The following EIF3A variants were observed in gnomAD, a reference collection of about 807,000 sequenced individuals.
EIF3A encodes EIF3, p180 subunit.
EIF3A carries 21 observed loss-of-function variants against 186.6 expected under a neutral mutation model. The ratio of observed to expected loss-of-function variants is 0.11; its 90% CI spans 0.08 to 0.16. EIF3A has a LOEUF of 0.16. Ranked by LOEUF, EIF3A falls within the 10% of genes least tolerant of loss-of-function variation. The probability of loss-of-function intolerance (pLI) is 1.00; values close to 1 mark genes in which losing one functional copy is unlikely to be tolerated. For synonymous variants in EIF3A, 563 were observed against 584.3 expected (o/e 0.96, Z 0.52); for missense variants, 1,306 against 1,796.3 (o/e 0.73, Z 4.93).
In EIF3A at chr10:119,033,889, A is replaced by G. The variant is rs1286112495; in HGVS notation, c.*2150T>C. Reference sequence around the variant, plus strand: ...TCTTTGGTTAAAAAAAAAAAAAAACACAGGCAGTTCTTTACATAAAAACGT... The same window carrying G: ...TCTTTGGTTAAAAAAAAAAAAAAACGCAGGCAGTTCTTTACATAAAAACGT... On this transcript the variant is annotated 3_prime_UTR_variant, in exon 22 of 22. Transcript: ENST00000369144. 6.2e-6 allele frequency: 1 copy of G among 162,564 alleles called. No homozygotes were observed. Among genetic ancestry groups the G allele is most frequent in the African/African-American group, 2.5e-5 (1 of 40,692 alleles). 10.1% of individuals were successfully genotyped at this position (162,564 alleles called of 1,614,324 possible).
Position 119,067,178 on chromosome 10 carries a change from T to C in EIF3A, c.951-1608A>G. 1.3e-5 allele frequency among the ~76,000 whole-genome samples: 2 copies of C among 151,604 alleles called. 1 individual carries two copies. Among genetic ancestry groups the C allele is most frequent in the Admixed American group, 1.3e-4 (2 of 15,224 alleles). Reference sequence around the variant, plus strand: ...TTGCAGCGAGCCAAGACTGCGCCATTGCACTCCAGCTTGGGCAACAAGAGC... The same window carrying C: ...TTGCAGCGAGCCAAGACTGCGCCATCGCACTCCAGCTTGGGCAACAAGAGC... On this transcript the variant is annotated intron_variant, in intron 6 of 21. Coordinates refer to ENST00000369144, the MANE Select transcript of EIF3A (RefSeq NM_003750.4).
intron 14 of EIF3A, among the ~76,000 whole-genome samples, chr10:119,054,727 CAAA>C (rs36005021): frequency 1.5e-3 from 218 of 141,870 alleles, no homozygotes; most frequent in Admixed American, 1.5e-3. Context: ...AACTCCATCT[CAAA>C]AAAAAAAAAA....
In EIF3A at chr10:119,061,337, A is replaced by G; in HGVS notation, c.1123-9T>C. The G allele has an allele frequency of 7.5e-7, 1 of 1,331,698 alleles. No homozygotes were observed. Among genetic ancestry groups the G allele is most frequent in the Non-Finnish European group, 1.0e-6 (1 of 957,896 alleles). The allele number at this position is 1,331,698 out of a possible 1,614,324, so 82.5% of individuals were successfully genotyped here. ...AGTACATTAAATCTGACCTACAGTA[A>G]GCAAAACAAAAGATGTAACTGCCAA... On this transcript the variant is annotated splice_polypyrimidine_tract_variant and intron_variant, in intron 7 of 21. Coordinates refer to ENST00000369144, the MANE Select transcript of EIF3A (RefSeq NM_003750.4).
At chr10:119,044,990 G>C (rs1424291783) in intron 17 of EIF3A, among the ~76,000 whole-genome samples, 3 of 149,958 alleles carry the variant, frequency 2.0e-5, no homozygotes, top group South Asian at 4.2e-4. Context: ...TGTTACCCAG[G>C]ATGGAGTGCA....
In EIF3A at chr10:119,038,347, T is replaced by C. The variant is rs1000427843; in HGVS notation, c.3619A>G (p.Lys1207Glu). Residue 1207 changes from lysine to glutamate, a missense_variant, in exon 20 of 22, where the codon AAA becomes GAA. By Grantham distance (56) the Lys-to-Glu change is moderately conservative (BLOSUM62 1). Coordinates refer to ENST00000369144, the MANE Select transcript of EIF3A (RefSeq NM_003750.4). ...TCTTGATTATCTCTGTCCCTTTCTT[T>C]TTCTCTGTCCCATTCACGTTCTTCT... ...PSEEREWDRE[K>E]ERDRDNQDRE... 1.9e-6 allele frequency: 3 copies of C among 1,614,214 alleles called. No individual in the cohort carries two copies. Among genetic ancestry groups the C allele is most frequent in the East Asian group, 2.2e-5 (1 of 44,890 alleles).
At chr10:119,065,331 A>G in intron 7 of EIF3A, 68 bp downstream of exon 7, 1 of 1,131,688 alleles carries the variant, frequency 8.8e-7, no homozygotes, top group South Asian at 1.4e-5. Context: ...GTATTTAATC[A>G]TGAGTTATTA....
intron 16 of EIF3A, 56 bp downstream of exon 16, chr10:119,050,465 A>G: frequency 6.5e-7 from 1 of 1,529,488 alleles, no homozygotes; most frequent in Non-Finnish European, 9.0e-7. Context: ...ACTAAAAACT[A>G]GATCTTAACA....
In EIF3A at chr10:119,042,308, C is replaced by A. The variant is rs772338128; in HGVS notation, c.3212G>T (p.Arg1071Leu). 1.2e-6 allele frequency: 2 copies of A among 1,613,858 alleles called. No individual in the cohort carries two copies. Among genetic ancestry groups the A allele is most frequent in the Non-Finnish European group, 1.7e-6 (2 of 1,180,002 alleles). ...RNADDDRGPR[R>L]GLDDDRGPRR... Reference sequence around the variant, plus strand: ...GGGACCCCGATCATCATCCAACCCTCGCCTGGGACCCCGGTCATCATCAGC... The same window carrying A: ...GGGACCCCGATCATCATCCAACCCTAGCCTGGGACCCCGGTCATCATCAGC... The change falls in exon 19 of 22, where the codon CGA becomes CTA. Residue 1071 changes from arginine (R) to leucine (L), a missense_variant. Around this residue, in one of 8 missense-constraint regions of EIF3A, gnomAD observed 410 missense variants for 473.5 expected, o/e 0.87. Coordinates refer to ENST00000369144, the MANE Select transcript of EIF3A (RefSeq NM_003750.4). This position sits in a 1 kb window ranked among gnomAD's most constrained non-coding sequence, Gnocchi z 7.8.
At chr10:119,075,193 C>T (rs1252271220) in intron 1 of EIF3A, among the ~76,000 whole-genome samples, 6 of 151,564 alleles carry the variant, frequency 4.0e-5, no homozygotes, top group African/African-American at 1.5e-4. Flanking sequence ...AACTCCTGAC[C>T]TCATGATCCA....
At chr10:119,080,154 A>T (rs1248379343) in intron 1 of EIF3A, among the ~76,000 whole-genome samples, 1 of 152,128 alleles carries the variant, frequency 6.6e-6, no homozygotes, top group Non-Finnish European at 1.5e-5. Flanking sequence ...GTGGGTCCGT[A>T]GGGCTCCCGG....
chr10:119,064,587 T>C (rs1190283400), intron 7 of EIF3A, among the ~76,000 whole-genome samples: 1 of 152,208 alleles, frequency 6.6e-6, no homozygotes, highest in Non-Finnish European at 1.5e-5. Flanking sequence ...CCTTCCACCA[T>C]GATGGTAATT....
intron 4 of EIF3A, 122 bp downstream of exon 4, chr10:119,072,768 A>T (rs1452932740): frequency 8.2e-7 from 1 of 1,224,132 alleles, no homozygotes. Flanking sequence ...GTCATTTAAT[A>T]CTCATGTGAA....
chr10:119,073,617 C>T, intron 2 of EIF3A, 40 bp from the exon 3 acceptor site: 2 of 1,591,082 alleles, frequency 1.3e-6, no homozygotes, highest in African/African-American at 2.7e-5. Flanking sequence ...ACTTATTTTT[C>T]CATTGAACCA....
chr10:119,075,582 A>G (rs1844151941), intron 1 of EIF3A, among the ~76,000 whole-genome samples: 1 of 141,754 alleles, frequency 7.1e-6, no homozygotes, highest in Non-Finnish European at 1.5e-5. Flanking sequence ...CATTTAAAAA[A>G]TAATTTGGGG....
In EIF3A at chr10:119,056,821, T is replaced by G. The variant is rs1451757668; in HGVS notation, c.2115A>C (p.Glu705Asp). ...AAGCGCTCTTTATCAAAGGAATTTC[T>G]TCCAAACGTTTGGCTCTTTCAAAAT... ...IDYFERAKRL[E>D]EIPLIKSAYE... The change falls in exon 14 of 22, where the codon GAA (glutamate) becomes GAC (aspartate). Residue 705 changes from glutamate (E) to aspartate (D), a missense_variant. By Grantham distance (45) the Glu-to-Asp change is conservative. Coordinates refer to ENST00000369144, the MANE Select transcript of EIF3A (RefSeq NM_003750.4). 1 of 1,613,760 alleles carries G rather than the reference T, an allele frequency of 6.2e-7. No homozygotes were observed. The highest frequency in any genetic ancestry group is 1.1e-5 in the South Asian group (1 of 91,072).
In EIF3A at chr10:119,042,086, T is replaced by C. The variant is rs757801252; in HGVS notation, c.3434A>G (p.Asp1145Gly). ...DDRGPWRNMD[D>G]DRLSRRADDD... Reference sequence around the variant, plus strand: ...ATCAGCACGTCTTGAAAGGCGATCATCATCCATGTTTCTCCAAGGGCCCCT... The same window carrying C: ...ATCAGCACGTCTTGAAAGGCGATCACCATCCATGTTTCTCCAAGGGCCCCT... The change falls in exon 19 of 22, where the codon GAT (aspartate) becomes GGT (glycine). Residue 1145 changes from aspartate to glycine, a missense_variant. This residue lies in a region of EIF3A where 331 missense variants were observed against 365.8 expected (regional missense o/e 0.90). Transcript: ENST00000369144. The surrounding 1 kb of genome is among the most constrained non-coding windows in gnomAD (Gnocchi z 7.8). The C allele has an allele frequency of 1.9e-6, 3 of 1,614,202 alleles. No individual in the cohort carries two copies. Among genetic ancestry groups the C allele is most frequent in the Non-Finnish European group, 2.5e-6 (3 of 1,180,034 alleles).
In EIF3A at chr10:119,046,173, G is replaced by A. The variant is rs567434382; in HGVS notation, c.2659-2031C>T. ...AGGGACAGTTTTAACTTCCTTTACC[G>A]CAAGAATAGAGAAAAATTCTGTTTC... On this transcript the variant is annotated intron_variant, in intron 17 of 21. Transcript: ENST00000369144. Among the ~76,000 whole-genome samples the A allele has an allele frequency of 8.3e-4, 127 of 152,200 alleles. 1 individual carries two copies. The highest frequency in any genetic ancestry group is 2.7e-3 in the African/African-American group (112 of 41,536).
chr10:119,034,936 C>T lies in EIF3A; in HGVS notation c.*1103G>A, dbSNP rs958742073. ...GGTTCATTTTCATTGATACTAAACA[C>T]AGACATTTAATGGCACTGATAAAAA... On this transcript the variant is annotated 3_prime_UTR_variant, in exon 22 of 22. Coordinates refer to ENST00000369144, the MANE Select transcript of EIF3A (RefSeq NM_003750.4). 1 of 152,476 alleles carries T rather than the reference C, an allele frequency of 6.6e-6. No individual in the cohort carries two copies. The highest frequency in any genetic ancestry group is 6.5e-5 in the Admixed American group (1 of 15,270). 9.4% of individuals were successfully genotyped at this position (152,476 alleles called of 1,614,324 possible).
intron 1 of EIF3A, among the ~76,000 whole-genome samples, chr10:119,075,536 T>C (rs1844151405): frequency 6.9e-6 from 1 of 144,960 alleles, no homozygotes; most frequent in East Asian, 2.1e-4. Context: ...CATTCATTAA[T>C]TGCAAATTTC....
Sources: allele counts gnomAD v4.1 joint callset (sites outside exome capture counted in the v4.1 genomes callset), GRCh38; gene constraint gnomAD v4.1.1; regional missense constraint gnomAD v4.1.1; non-coding constraint Gnocchi (gnomAD v3.1); transcripts MANE v1.5; gene names NCBI Gene and HGNC (gene_info 2026-07-23, HGNC 2026-07-21).